CLIC5: variants seen among roughly 807,000 people sequenced by gnomAD.
The protein encoded by CLIC5 is chloride intracellular channel protein 5.
Under a neutral mutation model 24.7 loss-of-function variants are expected in CLIC5, and 20 were observed. That is an observed-to-expected ratio of 0.81 (90% CI 0.57 to 1.18). The LOEUF is 1.18. CLIC5 is among the 50% of genes most tolerant of loss of function. CLIC5 has a pLI of 0.00. For missense variants in CLIC5, 341 were observed against 326.1 expected, an observed-to-expected ratio of 1.05 and a Z score of -0.35; for synonymous variants, 159 against 135.6, an observed-to-expected ratio of 1.17 and a Z score of -1.20.
At chr6:45,893,379 G>T (rs1762369295) in intron 6 of CLIC5, among the ~76,000 whole-genome samples, 1 of 152,128 alleles carries the variant, frequency 6.6e-6, no homozygotes, top group Non-Finnish European at 1.5e-5. Context: ...TGAATGTAAA[G>T]TCTTCTTCCA....
At chr6:46,025,428 A>T (rs561422784) in intron 1 of CLIC5, among the ~76,000 whole-genome samples, 1 of 152,320 alleles carries the variant, frequency 6.6e-6, no homozygotes, top group African/African-American at 2.4e-5. Flanking sequence ...AGAAGCTGAT[A>T]TATACAAATT....
At chr6:45,933,742 T>C (rs1319787482) in intron 4 of CLIC5, among the ~76,000 whole-genome samples, 2 of 152,156 alleles carry the variant, frequency 1.3e-5, no homozygotes, top group African/African-American at 4.8e-5. Context: ...CTGTGTCCCA[T>C]GTGCTGGGTG....
At chr6:46,103,083 A>C in the CLIC5 span, among the ~76,000 whole-genome samples, 1,129 of 152,218 alleles carry the variant, frequency 7.4e-3, 13 homozygotes, top group African/African-American at 0.025. Flanking sequence ...TGAGGATAAC[A>C]AACAGCAGTG....
At chr6:45,911,887 T>A (rs1211884399) in intron 5 of CLIC5, 1 of 985,454 alleles carries the variant, frequency 1.0e-6, no homozygotes, top group East Asian at 1.1e-4. Flanking sequence ...TGGCTTGACT[T>A]TGGGAGATGA....
chr6:45,901,850 C>G lies in CLIC5; in HGVS notation c.*1238G>C, dbSNP rs1236032758. On this transcript the variant is annotated 3_prime_UTR_variant, in exon 6 of 6. Transcript: ENST00000339561. The stretch of plus-strand genomic sequence containing the variant: ...TACATTTTTCTTCAAGTTCAAACCA[C>G]ATGGTTTCCTAGTCAGAAAGTCTCA... The G allele has an allele frequency of 6.6e-6, 1 of 152,334 alleles. No homozygotes were observed. Among genetic ancestry groups the G allele is most frequent in the East Asian group, 1.9e-4 (1 of 5,166 alleles). 9.4% of individuals were successfully genotyped at this position (152,334 alleles called of 1,614,324 possible). A position where few individuals can be genotyped will look rare whatever the true frequency, so the allele number is the denominator to read the frequency against.
upstream of CLIC5, chr6:46,018,674 C>T (rs1295041169): frequency 3.3e-5 from 5 of 152,150 alleles, no homozygotes; most frequent in Admixed American, 2.0e-4. Flanking sequence ...TAATTCCAGC[C>T]CATAGTTTCA....
intron 1 of CLIC5, among the ~76,000 whole-genome samples, chr6:45,979,328 G>C (rs1765491507): frequency 6.6e-6 from 1 of 152,142 alleles, no homozygotes; most frequent in African/African-American, 2.4e-5. Flanking sequence ...GAATAGACAA[G>C]AGACCCTCTA....
At chr6:45,918,531 G>A (rs1048344599) in intron 4 of CLIC5, among the ~76,000 whole-genome samples, 6 of 152,342 alleles carry the variant, frequency 3.9e-5, no homozygotes, top group African/African-American at 1.2e-4. Flanking sequence ...GATATCAAAG[G>A]TGGTCTTTGA....
chr6:45,958,453 T>TACACACACACAC (rs1764736482), intron 1 of CLIC5, among the ~76,000 whole-genome samples: 1 of 20,468 alleles, frequency 4.9e-5, no homozygotes, highest in African/African-American at 8.2e-5. Context: ...TATATATATA[T>TACACACACACAC]ATATATATAT....
At chr6:46,058,391 C>A (rs1768319702) in intron 1 of CLIC5, among the ~76,000 whole-genome samples, 1 of 152,106 alleles carries the variant, frequency 6.6e-6, no homozygotes, top group African/African-American at 2.4e-5. Flanking sequence ...ATAGAGATGT[C>A]AATAATCAGA....
At chr6:45,976,497 AAGAATTTG>A (rs1233831336) in intron 1 of CLIC5, among the ~76,000 whole-genome samples, 7 of 152,172 alleles carry the variant, frequency 4.6e-5, no homozygotes, top group African/African-American at 1.7e-4. Flanking sequence ...ACTTTCAGAA[AAGAATTTG>A]AAGGCATGGT....
At position 46,015,806 on chromosome 6, in the gene CLIC5, G is replaced by A. The variant is rs922923129; in HGVS notation, c.-264C>T. On this transcript the variant is annotated 5_prime_UTR_variant, in exon 1 of 6. Transcript: ENST00000339561. The stretch of plus-strand genomic sequence containing the variant: ...GGTTAAGGGAATGACAACAGGTCGT[G>A]GGAGCAACAAGTGCCGGGCTGCCCG... The A allele has an allele frequency of 2.5e-6, 3 of 1,192,634 alleles. No homozygotes were observed. The highest frequency in any genetic ancestry group is 3.5e-5 in the East Asian group (1 of 28,306). The allele number at this position is 1,192,634 out of a possible 1,614,324, so 73.9% of individuals were successfully genotyped here.
At chr6:45,995,520 C>G (rs987902018) in intron 1 of CLIC5, among the ~76,000 whole-genome samples, 1 of 152,200 alleles carries the variant, frequency 6.6e-6, no homozygotes, top group African/African-American at 2.4e-5. Flanking sequence ...TGTGTTCATA[C>G]AAGCCCTACC....
At chr6:45,913,321 A>C (rs1380154109) in intron 5 of CLIC5, among the ~76,000 whole-genome samples, 3 of 152,184 alleles carry the variant, frequency 2.0e-5, no homozygotes, top group Non-Finnish European at 4.4e-5. Flanking sequence ...TGGGGGAAGA[A>C]GTGCTCATTG....
chr6:46,028,971 C>A (rs1489338077), intron 1 of CLIC5, among the ~76,000 whole-genome samples: 1 of 152,098 alleles, frequency 6.6e-6, no homozygotes, highest in African/African-American at 2.4e-5. Flanking sequence ...CCTATTCATT[C>A]CTCCCCCACC....
intron 1 of CLIC5, among the ~76,000 whole-genome samples, chr6:45,973,425 A>AT (rs1458828946): frequency 6.6e-6 from 1 of 152,062 alleles, no homozygotes; most frequent in Non-Finnish European, 1.5e-5. Flanking sequence ...CTTTCTTTTC[A>AT]TTTTTTAAAA....
intron 1 of CLIC5, among the ~76,000 whole-genome samples, chr6:45,986,991 C>A (rs1273171020): frequency 6.6e-6 from 1 of 152,180 alleles, no homozygotes; most frequent in African/African-American, 2.4e-5. Flanking sequence ...GTATCAGTGG[C>A]AGTGTGTCTC....
rs533896777 is a variant in CLIC5, at chr6:45,902,379, A to G, written c.*709T>C. 1 of 152,888 alleles carries G rather than the reference A, an allele frequency of 6.5e-6. No homozygotes were observed. The highest frequency in any genetic ancestry group is 1.5e-5 in the Non-Finnish European group (1 of 68,242). 9.5% of individuals were successfully genotyped at this position (152,888 alleles called of 1,614,324 possible). On this transcript the variant is annotated 3_prime_UTR_variant, in exon 6 of 6. Coordinates refer to ENST00000339561, the MANE Select transcript of CLIC5 (RefSeq NM_016929.5). ...CCCAGTCACTGCAGTTTAGAATTGC[A>G]TGCCAATTTCCTTTTCTGGCAGGGC...
chr6:45,889,349 C>A (rs1459614715), intron 6 of CLIC5, among the ~76,000 whole-genome samples: 3 of 152,108 alleles, frequency 2.0e-5, no homozygotes, highest in Non-Finnish European at 2.9e-5. Context: ...ACCCTCATGA[C>A]TGAATCGTCT....
Sources: allele counts gnomAD v4.1 joint callset (sites outside exome capture counted in the v4.1 genomes callset), GRCh38; gene constraint gnomAD v4.1.1; transcripts MANE v1.5; gene names NCBI Gene and HGNC (gene_info 2026-07-23, HGNC 2026-07-21).